The following ZCCHC17 variants were observed in gnomAD, a reference collection of about 807,000 sequenced individuals.
The protein encoded by ZCCHC17 is zinc finger CCHC-type containing 17.
In ZCCHC17, 18 loss-of-function variants were observed where a neutral mutation model predicts 30.6. The observed-to-expected ratio is 0.59, with a 90% confidence interval of 0.41 to 0.87. The LOEUF (loss-of-function observed/expected upper bound fraction) is 0.87. ZCCHC17 is among the 40% of genes least tolerant of loss of function. ZCCHC17 has a pLI of 0.00. For synonymous variants in ZCCHC17, 88 were observed against 92.4 expected, an observed-to-expected ratio of 0.95 and a Z score of 0.27; for missense variants, 263 against 284.2, an observed-to-expected ratio of 0.93 and a Z score of 0.54.
intron 1 of ZCCHC17, among the ~76,000 whole-genome samples, chr1:31,299,058 G>T (rs1008887566): frequency 6.6e-6 from 1 of 152,216 alleles, no homozygotes; most frequent in African/African-American, 2.4e-5. Context: ...AGTAACCTTA[G>T]CAAGAGTTAT....
At chr1:31,310,194 C>T (rs769990986) in intron 2 of ZCCHC17, 30 bp downstream of exon 2, 2 of 1,608,678 alleles carry the variant, frequency 1.2e-6, no homozygotes, top group African/African-American at 1.3e-5. Context: ...GAAAACCCAC[C>T]ATTTATGTTA....
intron 7 of ZCCHC17, among the ~76,000 whole-genome samples, chr1:31,355,004 G>A (rs554631739): frequency 2.0e-5 from 3 of 152,114 alleles, no homozygotes; most frequent in East Asian, 1.9e-4. Flanking sequence ...GCAAAACCCC[G>A]TCTCTACTAA....
intron 1 of ZCCHC17, among the ~76,000 whole-genome samples, chr1:31,304,546 A>C (rs1646401653): frequency 6.6e-6 from 1 of 151,586 alleles, no homozygotes; most frequent in Non-Finnish European, 1.5e-5. Flanking sequence ...GGCCTCCCAA[A>C]GTGCTGGTAT....
At chr1:31,315,673 A>G (rs1292317925) in intron 2 of ZCCHC17, among the ~76,000 whole-genome samples, 1 of 152,220 alleles carries the variant, frequency 6.6e-6, no homozygotes, top group Non-Finnish European at 1.5e-5. Context: ...CATTTACATT[A>G]TGGTGACAAC....
intron 1 of ZCCHC17, among the ~76,000 whole-genome samples, chr1:31,303,136 T>A (rs1220145608): frequency 6.8e-6 from 1 of 147,940 alleles, no homozygotes. Context: ...AAAAAAAAAA[T>A]TAGCCAAGCT....
At chr1:31,357,545 C>T (rs987579228) in intron 7 of ZCCHC17, among the ~76,000 whole-genome samples, 3 of 152,156 alleles carry the variant, frequency 2.0e-5, no homozygotes, top group Admixed American at 6.5e-5. Flanking sequence ...AGGTAAAATC[C>T]CTATCTTCAT....
intron 3 of ZCCHC17, chr1:31,333,211 C>CAATAAAAT (rs1025747577): frequency 1.3e-5 from 2 of 151,910 alleles, no homozygotes; most frequent in African/African-American, 4.8e-5. Flanking sequence ...AAAATAAGTA[C>CAATAAAAT]AATAAAATAA....
chr1:31,307,782 C>A (rs576927604), intron 1 of ZCCHC17, among the ~76,000 whole-genome samples: 1 of 152,144 alleles, frequency 6.6e-6, no homozygotes, highest in Admixed American at 6.5e-5. Context: ...ACCGTGTTGG[C>A]CAGGCTGGTC....
intron 3 of ZCCHC17, among the ~76,000 whole-genome samples, chr1:31,333,652 T>A (rs1441911210): frequency 6.6e-6 from 1 of 152,228 alleles, no homozygotes; most frequent in Non-Finnish European, 1.5e-5. Flanking sequence ...TAAATACATT[T>A]ATAGCGTAAA....
intron 6 of ZCCHC17, among the ~76,000 whole-genome samples, chr1:31,348,365 C>T (rs1025814417): frequency 6.6e-6 from 1 of 152,148 alleles, no homozygotes; most frequent in Non-Finnish European, 1.5e-5. Flanking sequence ...GCCTATTTCT[C>T]TGTGTGTTAG....
At chr1:31,305,662 GA>G (rs1388281610) in intron 1 of ZCCHC17, among the ~76,000 whole-genome samples, 1 of 151,788 alleles carries the variant, frequency 6.6e-6, no homozygotes, top group Admixed American at 6.6e-5. Context: ...GGCTGGCCTC[GA>G]ACTTCTGGTC....
chr1:31,346,885 A>G, intron 6 of ZCCHC17, 145 bp downstream of exon 6: 2 of 1,486,672 alleles, frequency 1.3e-6, no homozygotes, highest in African/African-American at 1.4e-5. Context: ...CCAGACTCAC[A>G]TCAGAGTTCA....
chr1:31,309,626 TA>T (rs1268960694), intron 1 of ZCCHC17, among the ~76,000 whole-genome samples: 3 of 152,190 alleles, frequency 2.0e-5, no homozygotes, highest in African/African-American at 7.2e-5. Flanking sequence ...TTTTGAGAAT[TA>T]AACGAGATTG....
At chr1:31,360,955 A>G (rs1199216524) in intron 7 of ZCCHC17, among the ~76,000 whole-genome samples, 1 of 152,028 alleles carries the variant, frequency 6.6e-6, no homozygotes, top group Non-Finnish European at 1.5e-5. Flanking sequence ...TACTCTCCTC[A>G]CTTCTTTATC....
At chr1:31,346,588 C>T in intron 5 of ZCCHC17, 52 bp from the exon 6 acceptor site, 2 of 1,539,400 alleles carry the variant, frequency 1.3e-6, no homozygotes, top group South Asian at 2.6e-5. Context: ...CTTGTAGTAT[C>T]TCTGGCCATA....
At chr1:31,349,499 T>G (rs2148470563) in intron 7 of ZCCHC17, among the ~76,000 whole-genome samples, 1 of 128,842 alleles carries the variant, frequency 7.8e-6, no homozygotes, top group Non-Finnish European at 1.6e-5. Context: ...CCCGGCTAAT[T>G]TTTGTATTTT....
At chr1:31,321,306 TC>T (rs1214187938) in intron 3 of ZCCHC17, among the ~76,000 whole-genome samples, 1 of 152,084 alleles carries the variant, frequency 6.6e-6, no homozygotes, top group East Asian at 1.9e-4. Flanking sequence ...TTATTCTCCT[TC>T]CTGCTGCCCT....
intron 7 of ZCCHC17, among the ~76,000 whole-genome samples, chr1:31,352,382 T>C (rs1196840891): frequency 1.3e-5 from 2 of 152,238 alleles, no homozygotes; most frequent in Non-Finnish European, 2.9e-5. Context: ...GTATTTGTTT[T>C]TGTGACTGGC....
chr1:31,334,331 CTCTCTCTGTGTGTGTG>C (rs1457027114), intron 3 of ZCCHC17, among the ~76,000 whole-genome samples: 4 of 61,226 alleles, frequency 6.5e-5, no homozygotes, highest in South Asian at 8.0e-4. Context: ...CTCTCTCTCT[CTCTCTCTGTGTGTGTG>C]TGTGTGTGTG....
Sources: gnomAD v4.1 joint callset for allele counts (sites outside exome capture counted in the v4.1 genomes callset) on GRCh38, gnomAD v4.1.1 for gene constraint, MANE v1.5 for transcripts, NCBI Gene and HGNC (gene_info 2026-07-23, HGNC 2026-07-21) for gene names.